ME2: variants seen among roughly 807,000 people sequenced by gnomAD.
The protein encoded by ME2 is NAD-dependent malic enzyme, mitochondrial.
In ME2, 60 loss-of-function variants were observed where a neutral mutation model predicts 73.7. That is an observed-to-expected ratio of 0.81 (90% CI 0.66 to 1.01). The LOEUF (loss-of-function observed/expected upper bound fraction) is 1.01, where lower values mean the gene tolerates loss of function less well. ME2 is among the 50% of genes least tolerant of loss of function. The pLI is 0.00. For synonymous variants in ME2, 199 were observed against 236.9 expected, an observed-to-expected ratio of 0.84 and a Z score of 1.47; for missense variants, 594 against 705.5, an observed-to-expected ratio of 0.84 and a Z score of 1.79.
chr18:50,941,197 G>T lies in ME2; in HGVS notation c.1587+811G>T, dbSNP rs185768773. Among the ~76,000 whole-genome samples the T allele has an allele frequency of 4.8e-3, 701 of 147,088 alleles. 5 individuals are homozygous for T. The highest frequency in any genetic ancestry group is 0.017 in the African/African-American group (680 of 39,440). Reference sequence around the variant, plus strand: ...AATCACTTGAACCTGGGAGAAGGAGGTTGCAGTGAGCTGAGATCGTGCCAT... The same window carrying T: ...AATCACTTGAACCTGGGAGAAGGAGTTTGCAGTGAGCTGAGATCGTGCCAT... On this transcript the variant is annotated intron_variant, in intron 15 of 15. Coordinates refer to ENST00000321341, the MANE Select transcript of ME2 (RefSeq NM_002396.5).
rs1268499639 is a variant in ME2, at chr18:50,912,911, T to A, written c.353T>A (p.Leu118His). The part of the protein sequence containing the change: ...MPIVYTPTVG[L>H]ACSQYGHIFR... ...ATTGTATATACACCGACGGTTGGTC[T>A]TGCCTGCTCCCAGTATGGACACATC... Residue 118 changes from leucine (L) to histidine (H), a missense_variant, in exon 4 of 16, where the codon CTT becomes CAT. By Grantham distance (99) the Leu-to-His change is moderately conservative. Transcript: ENST00000321341. The A allele has an allele frequency of 6.2e-7, 1 of 1,611,818 alleles. No homozygotes were observed. The highest frequency in any genetic ancestry group is 1.7e-5 in the Admixed American group (1 of 59,446).
chr18:50,937,111 G>A lies in ME2; in HGVS notation c.1418-2459G>A, dbSNP rs188923964. ...AAGGAACATAGGCAAGACAAGATGA[G>A]ATGAGAGTGATGAGACTAAATGTTT... On this transcript the variant is annotated intron_variant, in intron 13 of 15. Transcript: ENST00000321341. Among the ~76,000 whole-genome samples, 5 of 151,714 alleles carry A rather than the reference G, an allele frequency of 3.3e-5. No homozygotes were observed. In the East Asian group the frequency reaches 9.7e-4, roughly 29 times the overall value.
intron 1 of ME2, among the ~76,000 whole-genome samples, chr18:50,879,927 C>T (rs576848909): frequency 6.6e-6 from 1 of 152,256 alleles, no homozygotes; most frequent in East Asian, 1.9e-4. Flanking sequence ...TCCTAGGTTT[C>T]GACTTTCTTT....
intron 2 of ME2, among the ~76,000 whole-genome samples, chr18:50,901,204 G>A (rs893771856): frequency 6.6e-6 from 1 of 152,186 alleles, no homozygotes; most frequent in Non-Finnish European, 1.5e-5. Context: ...GCGCCTATCC[G>A]TATTGAGGTT....
intron 12 of ME2, among the ~76,000 whole-genome samples, chr18:50,927,021 G>A (rs1408040291): frequency 6.6e-6 from 1 of 152,108 alleles, no homozygotes; most frequent in Non-Finnish European, 1.5e-5. Flanking sequence ...GCGCTGTGGA[G>A]AACAAATTTT....
chr18:50,938,199 A>C (rs1038924528), intron 13 of ME2, among the ~76,000 whole-genome samples: 1 of 152,160 alleles, frequency 6.6e-6, no homozygotes, highest in African/African-American at 2.4e-5. Context: ...GCGATGGTAC[A>C]TGCCTGTAAT....
At chr18:50,925,465 C>T (rs532016524) in intron 11 of ME2, among the ~76,000 whole-genome samples, 116 of 151,958 alleles carry the variant, frequency 7.6e-4, no homozygotes, top group African/African-American at 2.7e-3. Context: ...GGCGACAGAG[C>T]GAGACTCTGT....
intron 3 of ME2, among the ~76,000 whole-genome samples, chr18:50,909,951 CAGAT>C (rs1917108286): frequency 6.6e-6 from 1 of 152,076 alleles, no homozygotes; most frequent in South Asian, 2.1e-4. Flanking sequence ...AACATAAATA[CAGAT>C]AGTAAGGATA....
intron 1 of ME2, among the ~76,000 whole-genome samples, chr18:50,881,464 TTAAC>T (rs767567248): frequency 3.9e-5 from 6 of 152,246 alleles, no homozygotes; most frequent in East Asian, 1.9e-4. Context: ...TTATTAGAAA[TTAAC>T]TATTTTATTT....
chr18:50,928,497 C>G (rs1241082716), intron 12 of ME2, among the ~76,000 whole-genome samples: 1 of 152,114 alleles, frequency 6.6e-6, no homozygotes, highest in Non-Finnish European at 1.5e-5. Context: ...CTCGGCCTCC[C>G]AAAGTGCTGG....
chr18:50,883,554 C>G (rs1046711590), intron 1 of ME2, among the ~76,000 whole-genome samples: 9 of 152,176 alleles, frequency 5.9e-5, no homozygotes, highest in Admixed American at 2.0e-4. Flanking sequence ...AAACCACGGG[C>G]ATATTCCAGT....
chr18:50,904,648 C>T (rs1916973559), intron 2 of ME2, among the ~76,000 whole-genome samples: 2 of 152,072 alleles, frequency 1.3e-5, no homozygotes, highest in African/African-American at 2.4e-5. Context: ...AAACTCCTGA[C>T]CTCAGGTGAT....
intron 15 of ME2, among the ~76,000 whole-genome samples, chr18:50,945,762 T>C (rs1918066889): frequency 2.0e-5 from 3 of 152,136 alleles, no homozygotes; most frequent in Admixed American, 2.0e-4. Context: ...TGTCACTACA[T>C]TTTTTTAAGT....
In ME2 at chr18:50,924,163, T is replaced by C; in HGVS notation, c.1122T>C (p.Pro374=). 6.2e-7 allele frequency: 1 copy of C among 1,613,304 alleles called. No homozygotes were observed. The change falls in exon 11 of 16, where the codon CCT becomes CCC. Residue 374 remains proline (P), a synonymous_variant. Coordinates refer to ENST00000321341, the MANE Select transcript of ME2 (RefSeq NM_002396.5). ...CTCACTCAGCCCCAGAGAGCATACC[T>C]GATACTTTTGAAGATGCAGTGAATA... is the stretch of plus-strand genomic sequence containing the variant. The part of the protein sequence containing the change: ...PFTHSAPESI[P]DTFEDAVNIL...
intron 2 of ME2, among the ~76,000 whole-genome samples, chr18:50,906,486 T>C (rs1160243921): frequency 1.3e-5 from 2 of 152,148 alleles, no homozygotes; most frequent in African/African-American, 4.8e-5. Flanking sequence ...CTAATTTTTG[T>C]ACTTTTAGTA....
intron 1 of ME2, among the ~76,000 whole-genome samples, chr18:50,883,755 T>G (rs141392302): frequency 1.2e-3 from 178 of 152,274 alleles, no homozygotes; most frequent in African/African-American, 4.1e-3. Context: ...TGCTAGCTAC[T>G]CGGGAGGCTG....
In ME2 at chr18:50,917,328, G is replaced by A. The variant is rs779899208; in HGVS notation, c.469-19G>A. 6 of 1,585,626 alleles carry A rather than the reference G, an allele frequency of 3.8e-6. No homozygotes were observed. Among genetic ancestry groups the A allele is most frequent in the Non-Finnish European group, 5.2e-6 (6 of 1,162,948 alleles). On this transcript the variant is annotated intron_variant, in intron 5 of 15. Coordinates refer to ENST00000321341, the MANE Select transcript of ME2 (RefSeq NM_002396.5). Reference sequence around the variant, plus strand: ...CCCCATTTTTGACAACTTTTAATTTGCATTTTTTTGTGATTAAGGCTGTTG... The same window carrying A: ...CCCCATTTTTGACAACTTTTAATTTACATTTTTTTGTGATTAAGGCTGTTG...
intron 4 of ME2, among the ~76,000 whole-genome samples, chr18:50,913,633 C>T (rs764073398): frequency 5.9e-5 from 9 of 151,986 alleles, no homozygotes; most frequent in Non-Finnish European, 1.0e-4. Context: ...TGCATCTGGC[C>T]TGTTCTCCTT....
At chr18:50,909,568 G>C (rs1917097928) in intron 3 of ME2, among the ~76,000 whole-genome samples, 1 of 152,158 alleles carries the variant, frequency 6.6e-6, no homozygotes, top group South Asian at 2.1e-4. Flanking sequence ...CATATCAATT[G>C]AGTTTGTTAA....
Sources: gnomAD v4.1 joint callset for allele counts (sites outside exome capture counted in the v4.1 genomes callset) on GRCh38, gnomAD v4.1.1 for gene constraint, MANE v1.5 for transcripts, NCBI Gene and HGNC (gene_info 2026-07-23, HGNC 2026-07-21) for gene names.